Variants in ST6GALNAC3 observed in about 807,000 individuals in gnomAD.
ST6GALNAC3 encodes the protein alpha-N-acetylgalactosaminide alpha-2,6-sialyltransferase 3.
In ST6GALNAC3, 25 loss-of-function variants were observed where a neutral mutation model predicts 32.7. That is an observed-to-expected ratio of 0.76 (90% CI 0.56 to 1.07). ST6GALNAC3 has a LOEUF of 1.07. ST6GALNAC3 is among the 50% of genes least tolerant of loss of function. ST6GALNAC3 has a pLI of 0.00. For synonymous variants in ST6GALNAC3, 129 were observed against 133.1 expected (o/e 0.97, Z 0.21); for missense variants, 355 against 382.4 (o/e 0.93, Z 0.60).
chr1:76,120,227 G>T (rs1557632114), intron 1 of ST6GALNAC3, among the ~76,000 whole-genome samples: 2 of 152,248 alleles, frequency 1.3e-5, no homozygotes, highest in Admixed American at 6.5e-5. Context: ...AACAGTGGCA[G>T]TTCCTGAGAG....
chr1:76,267,727 A>T (rs927030314), intron 1 of ST6GALNAC3, among the ~76,000 whole-genome samples: 1 of 152,190 alleles, frequency 6.6e-6, no homozygotes, highest in African/African-American at 2.4e-5. Context: ...AAGGGAATTC[A>T]TGGCAACTGA....
At chr1:76,101,448 A>C (rs1482565167) in intron 1 of ST6GALNAC3, among the ~76,000 whole-genome samples, 2 of 152,206 alleles carry the variant, frequency 1.3e-5, no homozygotes, top group African/African-American at 4.8e-5. Flanking sequence ...TTTGGCACTT[A>C]TAAGTACAGT....
downstream of ST6GALNAC3, among the ~76,000 whole-genome samples, chr1:76,635,279 C>CT (rs1395178833): frequency 6.6e-6 from 1 of 152,078 alleles, no homozygotes; most frequent in East Asian, 1.9e-4. Flanking sequence ...GATAATTTTT[C>CT]TTTTAACAAA....
At chr1:76,372,394 G>A (rs1650899702) in intron 2 of ST6GALNAC3, among the ~76,000 whole-genome samples, 2 of 151,850 alleles carry the variant, frequency 1.3e-5, no homozygotes, top group Admixed American at 1.3e-4. Flanking sequence ...ACATTGTATT[G>A]CAGTATTATT....
chr1:76,278,323 G>C (rs563087213), intron 1 of ST6GALNAC3, among the ~76,000 whole-genome samples: 2 of 149,670 alleles, frequency 1.3e-5, no homozygotes, highest in East Asian at 4.0e-4. Context: ...CCGGGTTCAC[G>C]CCATTCTCCT....
intron 1 of ST6GALNAC3, among the ~76,000 whole-genome samples, chr1:76,202,235 A>G (rs1654560944): frequency 6.6e-6 from 1 of 151,508 alleles, no homozygotes; most frequent in African/African-American, 2.4e-5. Context: ...CCAATTCTTT[A>G]AAGAGGTGTG....
chr1:76,305,639 T>C (rs1360386640), intron 1 of ST6GALNAC3, among the ~76,000 whole-genome samples: 2 of 152,134 alleles, frequency 1.3e-5, no homozygotes, highest in Non-Finnish European at 2.9e-5. Context: ...CCAGCAGATA[T>C]TAAATTATCA....
intron 3 of ST6GALNAC3, among the ~76,000 whole-genome samples, chr1:76,422,619 C>T (rs1287423925): frequency 1.3e-5 from 2 of 151,972 alleles, no homozygotes; most frequent in Admixed American, 1.3e-4. Flanking sequence ...GGGCTCATTC[C>T]TGGACTTTCT....
intron 1 of ST6GALNAC3, among the ~76,000 whole-genome samples, chr1:76,192,309 T>C (rs1253288324): frequency 6.6e-6 from 1 of 152,154 alleles, no homozygotes; most frequent in Non-Finnish European, 1.5e-5. Context: ...ACAGAAAACA[T>C]GACAAATTTT....
chr1:76,105,532 G>A (rs1647465200), intron 1 of ST6GALNAC3, among the ~76,000 whole-genome samples: 1 of 152,332 alleles, frequency 6.6e-6, no homozygotes, highest in East Asian at 1.9e-4. Flanking sequence ...GCATGGGAGA[G>A]TTAGGCCAAG....
intron 1 of ST6GALNAC3, among the ~76,000 whole-genome samples, chr1:76,274,235 A>G (rs1282726024): frequency 6.6e-6 from 1 of 152,206 alleles, no homozygotes; most frequent in South Asian, 2.1e-4. Flanking sequence ...AAGCAAGTTT[A>G]TGTCCTATTA....
intron 3 of ST6GALNAC3, among the ~76,000 whole-genome samples, chr1:76,599,465 C>T (rs1047877523): frequency 1.3e-5 from 2 of 151,480 alleles, no homozygotes; most frequent in African/African-American, 4.9e-5. Context: ...CACCCTCCGA[C>T]AGGCCCCAGT....
intron 1 of ST6GALNAC3, among the ~76,000 whole-genome samples, chr1:76,119,464 A>T (rs914551524): frequency 6.6e-6 from 1 of 152,160 alleles, no homozygotes; most frequent in Non-Finnish European, 1.5e-5. Context: ...GGCCAAACCT[A>T]AGTTCACATA....
chr1:76,250,108 C>T (rs1415833867), intron 1 of ST6GALNAC3, among the ~76,000 whole-genome samples: 1 of 152,072 alleles, frequency 6.6e-6, no homozygotes, highest in African/African-American at 2.4e-5. Flanking sequence ...TTTGATGAAG[C>T]CCACTTTATT....
chr1:76,122,604 T>C (rs1463929619), intron 1 of ST6GALNAC3, among the ~76,000 whole-genome samples: 3 of 152,186 alleles, frequency 2.0e-5, no homozygotes, highest in African/African-American at 4.8e-5. Flanking sequence ...TGTAACCCTT[T>C]CATGAGAGGT....
chr1:76,433,834 G>A (rs1440482880), intron 3 of ST6GALNAC3, among the ~76,000 whole-genome samples: 1 of 152,178 alleles, frequency 6.6e-6, no homozygotes, highest in Non-Finnish European at 1.5e-5. Context: ...AGTACCCTTT[G>A]TTCAATATGA....
At chr1:76,465,805 T>C (rs999776009) in intron 3 of ST6GALNAC3, among the ~76,000 whole-genome samples, 3 of 152,054 alleles carry the variant, frequency 2.0e-5, no homozygotes, top group African/African-American at 7.2e-5. Context: ...TTCTCCACAA[T>C]GTTGCATTTT....
chr1:76,492,640 C>T (rs1415715863), intron 3 of ST6GALNAC3, among the ~76,000 whole-genome samples: 1 of 152,066 alleles, frequency 6.6e-6, no homozygotes, highest in Non-Finnish European at 1.5e-5. Context: ...GATGCACCAA[C>T]CTAATTTGAA....
chr1:76,157,137 G>A (rs1651501885), intron 1 of ST6GALNAC3, among the ~76,000 whole-genome samples: 2 of 142,852 alleles, frequency 1.4e-5, no homozygotes, highest in Non-Finnish European at 1.6e-5. Context: ...CTGACAGCAA[G>A]AAAACATGTG....
Sources: gnomAD v4.1 joint callset for allele counts (sites outside exome capture counted in the v4.1 genomes callset) on GRCh38, gnomAD v4.1.1 for gene constraint, MANE v1.5 for transcripts, NCBI Gene and HGNC (gene_info 2026-07-23, HGNC 2026-07-21) for gene names.